Variants in TCF7L1 observed in about 807,000 individuals in gnomAD.
The protein encoded by TCF7L1 is transcription factor 7-like 1.
TCF7L1 carries 18 observed loss-of-function variants against 63.7 expected under a neutral mutation model. The observed-to-expected ratio is 0.28, with a 90% confidence interval of 0.20 to 0.42. The LOEUF is 0.42. Ranked by LOEUF, TCF7L1 falls within the 10% of genes least tolerant of loss-of-function variation. The pLI, the probability that TCF7L1 is intolerant of heterozygous loss-of-function variation, is 1.00. For synonymous variants in TCF7L1, 355 were observed against 340.9 expected (o/e 1.04, Z -0.46); for missense variants, 654 against 779.3 (o/e 0.84, Z 1.91).
intron 4 of TCF7L1, among the ~76,000 whole-genome samples, chr2:85,294,057 G>A (rs1681789648): frequency 4.1e-5 from 1 of 24,532 alleles, no homozygotes; most frequent in South Asian, 2.0e-3. Flanking sequence ...TTTTTTTTGA[G>A]ATGGGGTCTC....
At chr2:85,147,402 C>T (rs1024267738) in intron 3 of TCF7L1, among the ~76,000 whole-genome samples, 1 of 152,144 alleles carries the variant, frequency 6.6e-6, no homozygotes, top group African/African-American at 2.4e-5. Context: ...ACTCTTTCCC[C>T]ACCCCTCCCC....
At chr2:85,294,988 C>G (rs1194732076) in intron 4 of TCF7L1, among the ~76,000 whole-genome samples, 1 of 151,992 alleles carries the variant, frequency 6.6e-6, no homozygotes, top group Non-Finnish European at 1.5e-5. Flanking sequence ...GAGCCATGAT[C>G]AGGCCACTGC....
intron 4 of TCF7L1, among the ~76,000 whole-genome samples, chr2:85,290,171 G>C (rs1681673154): frequency 6.6e-6 from 1 of 151,908 alleles, no homozygotes; most frequent in Admixed American, 6.6e-5. Context: ...AGTAGAGACG[G>C]GGTTTCACCA....
chr2:85,256,783 G>A (rs573816760), intron 3 of TCF7L1, among the ~76,000 whole-genome samples: 172 of 152,176 alleles, frequency 1.1e-3, no homozygotes, highest in African/African-American at 4.0e-3. Context: ...TCAGGAGTTC[G>A]AGACCAGCCT....
intron 3 of TCF7L1, among the ~76,000 whole-genome samples, chr2:85,244,384 C>T (rs1414996392): frequency 1.3e-5 from 2 of 152,304 alleles, no homozygotes; most frequent in South Asian, 4.1e-4. Context: ...GGTAGAAAAT[C>T]AGAGACAAGT....
At chr2:85,293,205 C>G (rs1394844473) in intron 4 of TCF7L1, among the ~76,000 whole-genome samples, 1 of 151,678 alleles carries the variant, frequency 6.6e-6, no homozygotes, top group Non-Finnish European at 1.5e-5. Flanking sequence ...CCACCCAAAT[C>G]TTGTGTCTAA....
chr2:85,194,337 T>C (rs1309100561), intron 3 of TCF7L1, among the ~76,000 whole-genome samples: 1 of 152,076 alleles, frequency 6.6e-6, no homozygotes, highest in African/African-American at 2.4e-5. Context: ...GAGACCAGCC[T>C]GGTCAACATG....
intron 3 of TCF7L1, among the ~76,000 whole-genome samples, chr2:85,252,461 A>C (rs1680614480): frequency 6.6e-6 from 1 of 152,084 alleles, no homozygotes; most frequent in Non-Finnish European, 1.5e-5. Flanking sequence ...CCCTGACCCA[A>C]GCCTCGGTGT....
intron 3 of TCF7L1, among the ~76,000 whole-genome samples, chr2:85,265,064 C>A (rs1573016277): frequency 6.6e-6 from 1 of 152,212 alleles, no homozygotes; most frequent in Middle Eastern, 3.4e-3. Flanking sequence ...TAGGGGAGAA[C>A]CATGAACCTG....
chr2:85,194,088 G>A (rs1457240259), intron 3 of TCF7L1, among the ~76,000 whole-genome samples: 3 of 152,040 alleles, frequency 2.0e-5, no homozygotes, highest in East Asian at 1.9e-4. Flanking sequence ...CCCTGGGAGT[G>A]GATGGCTGAA....
intron 3 of TCF7L1, among the ~76,000 whole-genome samples, chr2:85,211,942 C>T (rs1334269624): frequency 6.6e-6 from 1 of 151,900 alleles, no homozygotes; most frequent in Admixed American, 6.6e-5. Flanking sequence ...ATACAAAAAT[C>T]AGTCGGATGT....
intron 3 of TCF7L1, among the ~76,000 whole-genome samples, chr2:85,237,151 CAA>C (rs1680210951): frequency 6.6e-6 from 1 of 152,124 alleles, no homozygotes; most frequent in Non-Finnish European, 1.5e-5. Flanking sequence ...TGGAGAGGCC[CAA>C]AATACCTTCA....
At chr2:85,135,381 C>A (rs1677569480) in intron 3 of TCF7L1, among the ~76,000 whole-genome samples, 1 of 152,160 alleles carries the variant, frequency 6.6e-6, no homozygotes. Flanking sequence ...GTGCCAGGTT[C>A]CCGCGTGCTG....
intron 3 of TCF7L1, among the ~76,000 whole-genome samples, chr2:85,273,818 G>A (rs1248705516): frequency 6.6e-6 from 1 of 152,178 alleles, no homozygotes; most frequent in Admixed American, 6.5e-5. Context: ...GGATGGCTAT[G>A]GGACCAGCCC....
In TCF7L1 at chr2:85,308,052, G is replaced by C. The variant is rs73943092; in HGVS notation, c.1333+335G>C. Among the ~76,000 whole-genome samples, 209 of 152,288 alleles carry C rather than the reference G, an allele frequency of 1.4e-3. 1 individual carries two copies. Among genetic ancestry groups the C allele is most frequent in the African/African-American group, 5.0e-3 (207 of 41,566 alleles). On this transcript the variant is annotated intron_variant, in intron 11 of 11. Coordinates refer to ENST00000282111, the MANE Select transcript of TCF7L1 (RefSeq NM_031283.3). Reference sequence around the variant, plus strand: ...TCTTTGAAATACCCTTAGGAAGGCAGCACATGAGCCCCTGACATCCCACCT... The same window carrying C: ...TCTTTGAAATACCCTTAGGAAGGCACCACATGAGCCCCTGACATCCCACCT...
At chr2:85,270,178 C>T (rs1430218477) in intron 3 of TCF7L1, among the ~76,000 whole-genome samples, 1 of 152,234 alleles carries the variant, frequency 6.6e-6, no homozygotes, top group Non-Finnish European at 1.5e-5. Flanking sequence ...ATAAGCGCTT[C>T]CTGTTCCTCA....
chr2:85,305,525 C>A, intron 8 of TCF7L1, 122 bp downstream of exon 8: 1 of 1,242,570 alleles, frequency 8.0e-7, no homozygotes, highest in Non-Finnish European at 1.1e-6. Flanking sequence ...GGCATCACAG[C>A]CTCCCCAGCC....
chr2:85,302,305 C>A (rs1194701187), intron 4 of TCF7L1, among the ~76,000 whole-genome samples, 179 bp from the exon 5 acceptor site: 1 of 152,070 alleles, frequency 6.6e-6, no homozygotes, highest in East Asian at 1.9e-4. Flanking sequence ...TGGGTGTGAT[C>A]CCTTCTCAAG....
chr2:85,166,054 G>C (rs148070449), intron 3 of TCF7L1, among the ~76,000 whole-genome samples: 181 of 152,278 alleles, frequency 1.2e-3, no homozygotes, highest in Non-Finnish European at 2.2e-3. Context: ...AAACTTGATC[G>C]GGAGGCAAAT....
Sources: gnomAD v4.1 joint callset for allele counts (sites outside exome capture counted in the v4.1 genomes callset) on GRCh38, gnomAD v4.1.1 for gene constraint, MANE v1.5 for transcripts, NCBI Gene and HGNC (gene_info 2026-07-23, HGNC 2026-07-21) for gene names.